Variants in MCC observed in about 807,000 individuals in gnomAD.
The protein encoded by MCC is colorectal mutant cancer protein.
MCC carries 90 observed loss-of-function variants against 116.2 expected under a neutral mutation model. The ratio of observed to expected loss-of-function variants is 0.77; its 90% CI spans 0.65 to 0.92. The LOEUF (loss-of-function observed/expected upper bound fraction) is 0.92, where lower values mean the gene tolerates loss of function less well. Among genes scored for constraint, MCC ranks in the 40% least tolerant of loss-of-function variants. The pLI, the probability that MCC is intolerant of heterozygous loss-of-function variation, is 0.00. For synonymous variants in MCC, 578 were observed against 510.5 expected (o/e 1.13, Z -1.78); for missense variants, 1,516 against 1,312.2 (o/e 1.16, Z -2.40).
intron 3 of MCC, among the ~76,000 whole-genome samples, chr5:113,228,970 G>A (rs1402886350): frequency 1.3e-5 from 2 of 152,196 alleles, no homozygotes; most frequent in Admixed American, 1.3e-4. Context: ...GGAGTCCAGA[G>A]TTTGATTTTA....
chr5:113,170,986 C>G (rs1010127695), intron 3 of MCC, among the ~76,000 whole-genome samples: 2 of 152,074 alleles, frequency 1.3e-5, no homozygotes, highest in African/African-American at 2.4e-5. Flanking sequence ...ACATGCGTCC[C>G]TAAAGCTTTG....
chr5:113,207,943 C>A (rs921791771), intron 3 of MCC, among the ~76,000 whole-genome samples: 2 of 152,142 alleles, frequency 1.3e-5, no homozygotes, highest in African/African-American at 2.4e-5. Context: ...GGACTTCAAT[C>A]GTGTCTGCCT....
chr5:113,306,485 C>A (rs1766987408), intron 3 of MCC, among the ~76,000 whole-genome samples: 1 of 152,124 alleles, frequency 6.6e-6, no homozygotes, highest in Non-Finnish European at 1.5e-5. Context: ...TAATGTTGAA[C>A]ATCTTTTCAT....
chr5:113,485,799 T>A (rs986817564), intron 1 of MCC, among the ~76,000 whole-genome samples: 1 of 152,228 alleles, frequency 6.6e-6, no homozygotes, highest in Non-Finnish European at 1.5e-5. Flanking sequence ...TGATGACATA[T>A]AGTCATCTGA....
At chr5:113,388,240 A>T (rs1480320120) in intron 1 of MCC, among the ~76,000 whole-genome samples, 1 of 152,364 alleles carries the variant, frequency 6.6e-6, no homozygotes, top group African/African-American at 2.4e-5. Context: ...CACTCTACCA[A>T]ATTAAGTCAA....
rs1750255230 is a variant in MCC at position 113,022,986 on chromosome 5, T to C, written c.*4316A>G. The C allele has an allele frequency of 4.6e-5, 7 of 152,216 alleles. No homozygotes were observed. Among genetic ancestry groups the C allele is most frequent in the Admixed American group, 4.6e-4 (7 of 15,278 alleles). 9.4% of individuals were successfully genotyped at this position (152,216 alleles called of 1,614,324 possible). A position where few individuals can be genotyped will look rare whatever the true frequency, so the allele number is the denominator to read the frequency against. ...TGGTGATCTGCATGTGAAACTGTCT[T>C]TCTCTACACAGGTATTAGCAAAACA... is the stretch of plus-strand genomic sequence containing the variant. On this transcript the variant is annotated 3_prime_UTR_variant, in exon 19 of 19. Coordinates refer to ENST00000408903, the MANE Select transcript of MCC (RefSeq NM_001085377.2).
chr5:113,042,305 CAA>C lies in MCC; in HGVS notation c.2756+1223_2756+1224del, dbSNP rs59401267. Among the ~76,000 whole-genome samples, 472 of 89,466 alleles carry C rather than the reference CAA, an allele frequency of 5.3e-3. 7 individuals carry two copies. Among genetic ancestry groups the C allele is most frequent in the African/African-American group, 0.017 (410 of 24,014 alleles). 58.7% of individuals were successfully genotyped at this position (89,466 alleles called of 152,430 possible). On this transcript the variant is annotated intron_variant, in intron 17 of 18. Coordinates refer to ENST00000408903, the MANE Select transcript of MCC (RefSeq NM_001085377.2). ...TGGGCAACGTAGGGAGACCCTGTCT[CAA>C]AAAAAAAAAAAAAAAAAATTAGCCA...
chr5:113,099,688 G>A (rs778089271), intron 8 of MCC, among the ~76,000 whole-genome samples: 10 of 152,342 alleles, frequency 6.6e-5, no homozygotes, highest in Non-Finnish European at 1.2e-4. Context: ...TGGCTCCAGA[G>A]CCCTGGTACC....
chr5:113,051,650 C>A (rs1374225050), intron 15 of MCC, among the ~76,000 whole-genome samples: 1 of 152,072 alleles, frequency 6.6e-6, no homozygotes, highest in East Asian at 1.9e-4. Flanking sequence ...ACTTCCAGCC[C>A]AAGGGCGAGG....
At chr5:113,179,059 C>T (rs1761481715) in intron 3 of MCC, among the ~76,000 whole-genome samples, 1 of 152,250 alleles carries the variant, frequency 6.6e-6, no homozygotes, top group African/African-American at 2.4e-5. Context: ...ATGTACCATC[C>T]CCCATACCAC....
chr5:113,098,722 T>C (rs1025588525), intron 8 of MCC, among the ~76,000 whole-genome samples: 11 of 152,210 alleles, frequency 7.2e-5, no homozygotes, highest in Non-Finnish European at 1.3e-4. Context: ...GAGAGCACTT[T>C]GCTTAATTAC....
At chr5:113,353,680 C>A (rs568168684) in intron 2 of MCC, among the ~76,000 whole-genome samples, 1 of 152,278 alleles carries the variant, frequency 6.6e-6, no homozygotes, top group East Asian at 1.9e-4. Context: ...AAACATTGAT[C>A]AGTCTACACA....
At chr5:113,289,384 G>A (rs897632356) in intron 3 of MCC, among the ~76,000 whole-genome samples, 2 of 151,818 alleles carry the variant, frequency 1.3e-5, no homozygotes, top group South Asian at 4.2e-4. Context: ...TTTGGACAAG[G>A]CTCTGTCATT....
At chr5:113,443,134 T>G (rs1561575542) in intron 1 of MCC, among the ~76,000 whole-genome samples, 1 of 151,608 alleles carries the variant, frequency 6.6e-6, no homozygotes, top group Admixed American at 6.6e-5. Flanking sequence ...TCCATGAGCA[T>G]AGAATGTTTT....
intron 5 of MCC, among the ~76,000 whole-genome samples, chr5:113,126,090 C>T (rs945074054): frequency 6.6e-6 from 1 of 152,204 alleles, no homozygotes; most frequent in Non-Finnish European, 1.5e-5. Flanking sequence ...AAAGGGTCAA[C>T]TCACAGGATT....
intron 1 of MCC, among the ~76,000 whole-genome samples, chr5:113,451,024 ATC>A (rs1052529401): frequency 1.3e-5 from 2 of 151,726 alleles, no homozygotes; most frequent in Non-Finnish European, 1.5e-5. Flanking sequence ...ATTCTAATGC[ATC>A]TTTCCTTTTC....
chr5:113,128,735 C>A (rs1404686402), intron 5 of MCC, among the ~76,000 whole-genome samples: 2 of 152,162 alleles, frequency 1.3e-5, no homozygotes, highest in African/African-American at 4.8e-5. Flanking sequence ...CACAGGAAAA[C>A]AGGGAGAGAG....
Position 113,055,316 on chromosome 5 carries a change from C to A in MCC, c.2214-1357G>T, listed in dbSNP as rs1202801930. 3.9e-5 allele frequency among the ~76,000 whole-genome samples: 6 copies of A among 152,322 alleles called. No homozygotes were observed. The East Asian group carries it at 7.7e-4, about 20-fold the overall frequency. ...GCCAGATGCCACAAACCCAGGCCTG[C>A]CCTCCTCATCTCACACTGCAAAAGG... On this transcript the variant is annotated intron_variant, in intron 14 of 18. Coordinates refer to ENST00000408903, the MANE Select transcript of MCC (RefSeq NM_001085377.2).
chr5:113,148,803 T>G (rs1759676467), intron 4 of MCC, among the ~76,000 whole-genome samples: 1 of 152,186 alleles, frequency 6.6e-6, no homozygotes, highest in African/African-American at 2.4e-5. Context: ...CAGAGAGTAA[T>G]TTTTAAATCT....
Sources: gnomAD v4.1 joint callset for allele counts (sites outside exome capture counted in the v4.1 genomes callset) on GRCh38, gnomAD v4.1.1 for gene constraint, MANE v1.5 for transcripts, NCBI Gene and HGNC (gene_info 2026-07-23, HGNC 2026-07-21) for gene names.